Variants in USP31 observed in about 807,000 individuals in gnomAD.
The protein encoded by USP31 is ubiquitin specific peptidase 31, also known as ubiquitin carboxyl-terminal hydrolase 31.
In USP31, 44 loss-of-function variants were observed where a neutral mutation model predicts 119.4. That is an observed-to-expected ratio of 0.37 (90% CI 0.29 to 0.47). The LOEUF (loss-of-function observed/expected upper bound fraction) is 0.47, where lower values mean the gene tolerates loss of function less well. Ranked by LOEUF, USP31 falls within the 20% of genes least tolerant of loss-of-function variation. USP31 has a pLI of 0.99. For missense variants in USP31, 1,643 were observed against 1,730.2 expected (o/e 0.95, Z 0.89); for synonymous variants, 749 against 705.6 (o/e 1.06, Z -0.97).
chr16:23,130,957 T>G (rs1038799042), intron 1 of USP31, among the ~76,000 whole-genome samples: 1 of 152,218 alleles, frequency 6.6e-6, no homozygotes, highest in Non-Finnish European at 1.5e-5. Context: ...TAATTTTAAT[T>G]AAAGATCTTA....
At position 23,085,659 on chromosome 16, in the gene USP31, T is replaced by C; in HGVS notation, c.1626A>G (p.Ala542=). The C allele has an allele frequency of 6.2e-7, 1 of 1,613,660 alleles. No homozygotes were observed. Among genetic ancestry groups the C allele is most frequent in the Non-Finnish European group, 8.5e-7 (1 of 1,179,660 alleles). Reference sequence around the variant, plus strand: ...TGCCACCTGGTCCACAAGATTTTAATGCCCTATAGAACCAGGGAAGTGGAG... The same window carrying C: ...TGCCACCTGGTCCACAAGATTTTAACGCCCTATAGAACCAGGGAAGTGGAG... The part of the protein sequence containing the change: ...QPLCHPIVER[A]LKSCGPGGTA... Residue 542 remains alanine, a synonymous_variant, in exon 10 of 16, where the codon GCA becomes GCG. Coordinates refer to ENST00000219689, the MANE Select transcript of USP31 (RefSeq NM_020718.4).
chr16:23,085,091 GA>G (rs888601679), intron 10 of USP31, 102 bp from the exon 11 acceptor site: 754 of 1,348,594 alleles, frequency 5.6e-4, no homozygotes, highest in East Asian at 7.0e-4. Context: ...ATAACCGAAG[GA>G]AAAAAAAAAT....
chr16:23,087,615 T>C, intron 8 of USP31, 109 bp downstream of exon 8: 1 of 1,005,198 alleles, frequency 9.9e-7, no homozygotes, highest in Non-Finnish European at 1.5e-6. Flanking sequence ...GAGGGATAAA[T>C]TCTCAGTCCT....
chr16:23,072,017 G>T, intron 15 of USP31, 28 bp downstream of exon 15: 1 of 1,595,218 alleles, frequency 6.3e-7, no homozygotes, highest in Non-Finnish European at 8.6e-7. Context: ...TACCATTCTG[G>T]AAATTTGTCA....
Position 23,090,717 on chromosome 16 carries a change from T to C in USP31, c.1322A>G (p.Gln441Arg), listed in dbSNP as rs765485805. The C allele has an allele frequency of 2.4e-5, 38 of 1,614,062 alleles. No homozygotes were observed. In the Admixed American group the frequency reaches 6.3e-4, roughly 27 times the overall value. Reference protein sequence around the residue: ...LSSPTQTAAKQGKMDSPTSRA... With the variant: ...LSSPTQTAAKRGKMDSPTSRA... ...TGATGTGGGAGAATCCATTTTCCCC[T>C]GCTTTGCTGCTGTTTGTGTAGGAGA... is the stretch of plus-strand genomic sequence containing the variant. The change falls in exon 7 of 16, where the codon CAG (glutamine) becomes CGG (arginine). Residue 441 changes from glutamine to arginine, a missense_variant. Gln to Arg is a conservative substitution (Grantham distance 43). Coordinates refer to ENST00000219689, the MANE Select transcript of USP31 (RefSeq NM_020718.4).
At chr16:23,122,082 A>C (rs1902688700) in intron 1 of USP31, among the ~76,000 whole-genome samples, 1 of 152,200 alleles carries the variant, frequency 6.6e-6, no homozygotes, top group Non-Finnish European at 1.5e-5. Context: ...TTATGCACAC[A>C]CAGGGGAGGG....
At chr16:23,074,098 C>T (rs1286738003) in intron 13 of USP31, 1 of 559,526 alleles carries the variant, frequency 1.8e-6, no homozygotes. Context: ...AGATGCAGTT[C>T]CAGTTCATCT....
intron 1 of USP31, among the ~76,000 whole-genome samples, chr16:23,121,703 C>T (rs1256936638): frequency 1.3e-5 from 2 of 152,174 alleles, no homozygotes; most frequent in Admixed American, 1.3e-4. Flanking sequence ...CAATGAAATG[C>T]TATTTTCTAC....
intron 1 of USP31, among the ~76,000 whole-genome samples, chr16:23,111,145 T>TA (rs1256385532): frequency 2.3e-4 from 35 of 151,514 alleles, no homozygotes; most frequent in African/African-American, 8.0e-4. Context: ...AATAAATAAA[T>TA]AATTAATTAA....
Position 23,148,734 on chromosome 16 carries a change from G to A in USP31, c.537C>T (p.Gly179=). The stretch of plus-strand genomic sequence containing the variant: ...CAGTGACCTCGCCCTGGCCCTGCGC[G>A]CCGCGGCCCGCAGGCTGCTCCGGGT... The part of the protein sequence containing the change: ...SPDPEQPAGR[G]AQGQGEVTEQ... The change falls in exon 1 of 16, where the codon GGC becomes GGT. Residue 179 remains glycine (G), a synonymous_variant. Transcript: ENST00000219689. 1.3e-6 allele frequency: 2 copies of A among 1,484,518 alleles called. No homozygotes were observed. Among genetic ancestry groups the A allele is most frequent in the South Asian group, 1.3e-5 (1 of 75,618 alleles). 92.0% of individuals were successfully genotyped at this position (1,484,518 alleles called of 1,614,324 possible).
chr16:23,069,319 T>C lies in USP31; in HGVS notation c.2786A>G (p.His929Arg). The C allele has an allele frequency of 6.2e-7, 1 of 1,604,260 alleles. No homozygotes were observed. The highest frequency in any genetic ancestry group is 8.5e-7 in the Non-Finnish European group (1 of 1,174,438). ...CACAGCCTTGTGCTCACGGCGACTA[T>C]GACTGTCGCTTGGTTCCTGGTAACT... ...SSSYQEPSDS[H>R]SRREHKAVGR... The change falls in exon 16 of 16, where the codon CAT becomes CGT. Residue 929 changes from histidine (H) to arginine (R), a missense_variant. By Grantham distance (29) the His-to-Arg change is conservative. Around this residue, in one of 5 missense-constraint regions of USP31, gnomAD observed 699 missense variants for 650.9 expected, o/e 1.07. Coordinates refer to ENST00000219689, the MANE Select transcript of USP31 (RefSeq NM_020718.4).
At chr16:23,098,350 C>T (rs1901706161) in intron 6 of USP31, among the ~76,000 whole-genome samples, 2 of 152,130 alleles carry the variant, frequency 1.3e-5, no homozygotes, top group Admixed American at 6.5e-5. Context: ...AAGAACATTC[C>T]ATGCTCATGG....
At position 23,134,089 on chromosome 16, in the gene USP31, TCACACACACACACA is replaced by T. The variant is rs10557354; in HGVS notation, c.633+14535_633+14548del. 1.6e-4 allele frequency among the ~76,000 whole-genome samples: 24 copies of T among 146,334 alleles called. 1 individual carries two copies. The highest frequency in any genetic ancestry group is 9.6e-4 in the Admixed American group (14 of 14,606). ...GAGACCCTGTCTCTCTCTCTCTCTC[TCACACACACACACA>T]CACACACACACACACACACAAATCG... is the stretch of plus-strand genomic sequence containing the variant. On this transcript the variant is annotated intron_variant, in intron 1 of 15. Coordinates refer to ENST00000219689, the MANE Select transcript of USP31 (RefSeq NM_020718.4).
chr16:23,106,140 C>CTAT, intron 4 of USP31, 73 bp downstream of exon 4: 2 of 1,511,578 alleles, frequency 1.3e-6, no homozygotes, highest in Non-Finnish European at 1.8e-6. Flanking sequence ...GTAAGAAGAC[C>CTAT]TAATAGGAGC....
intron 1 of USP31, among the ~76,000 whole-genome samples, chr16:23,146,954 G>A (rs1903527938): frequency 6.9e-6 from 1 of 144,722 alleles, no homozygotes; most frequent in African/African-American, 2.6e-5. Flanking sequence ...TAGACTTGAA[G>A]CTTGTTCTGT....
chr16:23,079,846 C>A (rs898000515), intron 13 of USP31, 100 bp downstream of exon 13: 1 of 1,148,722 alleles, frequency 8.7e-7, no homozygotes, highest in South Asian at 1.7e-5. Context: ...ACACTGCCTA[C>A]CGGAGGGGAA....
At chr16:23,075,820 C>T (rs556637871) in intron 13 of USP31, among the ~76,000 whole-genome samples, 2 of 152,270 alleles carry the variant, frequency 1.3e-5, no homozygotes, top group East Asian at 3.9e-4. Context: ...GCCATGGTGG[C>T]TTATGCCTAC....
In USP31 at chr16:23,085,007, A is replaced by G. The variant is rs1901046527; in HGVS notation, c.1701-18T>C. On this transcript the variant is annotated intron_variant, in intron 10 of 15. Transcript: ENST00000219689. ...CAAATAAGCTGCAATTAGGGGGAAA[A>G]GCATCTATCAGGGAATGTCTTGCAA... 6.2e-7 allele frequency: 1 copy of G among 1,613,006 alleles called. No homozygotes were observed. Among genetic ancestry groups the G allele is most frequent in the Non-Finnish European group, 8.5e-7 (1 of 1,179,492 alleles).
chr16:23,068,081 G>C lies in USP31; in HGVS notation c.4024C>G (p.Gln1342Glu). 6.2e-7 allele frequency: 1 copy of C among 1,614,120 alleles called. No homozygotes were observed. The highest frequency in any genetic ancestry group is 1.6e-4 in the Middle Eastern group (1 of 6,062). ...KSSKKLSSSM[Q>E]TSARPSQKPQ ...TTTTGAGAAGGCCGTGCAGAGGTTT[G>C]CATGCTAGAAGATAACTTTTTTGAG... The change falls in exon 16 of 16, where the codon CAA (glutamine) becomes GAA (glutamate). Residue 1342 changes from glutamine to glutamate, a missense_variant. Transcript: ENST00000219689.
Sources: gnomAD v4.1 joint callset for allele counts (sites outside exome capture counted in the v4.1 genomes callset) on GRCh38, gnomAD v4.1.1 for gene constraint, gnomAD v4.1.1 regional missense constraint, MANE v1.5 for transcripts, NCBI Gene and HGNC (gene_info 2026-07-23, HGNC 2026-07-21) for gene names.